Variants in SLC24A2 observed in about 807,000 individuals in gnomAD.
SLC24A2 encodes solute carrier family 24 member 2, also known as sodium/potassium/calcium exchanger 2.
Under a neutral mutation model 62.0 loss-of-function variants are expected in SLC24A2, and 36 were observed. The observed-to-expected ratio is 0.58, with a 90% CI of 0.44 to 0.77. The LOEUF is 0.77. SLC24A2 is among the 30% of genes least tolerant of loss of function. The probability of loss-of-function intolerance (pLI) is 0.00; values close to 1 mark genes in which losing one functional copy is unlikely to be tolerated. For missense variants in SLC24A2, 846 were observed against 817.9 expected, an observed-to-expected ratio of 1.03 and a Z score of -0.42; for synonymous variants, 358 against 294.0, an observed-to-expected ratio of 1.22 and a Z score of -2.23.
the SLC24A2 span, among the ~76,000 whole-genome samples, chr9:20,143,180 G>C: frequency 4.6e-5 from 7 of 152,274 alleles, no homozygotes; most frequent in African/African-American, 1.4e-4. Context: ...AAATGCAGCA[G>C]GTGGGAAAAG....
At chr9:19,557,368 T>TGG (rs770531521) in intron 7 of SLC24A2, among the ~76,000 whole-genome samples, 2 of 152,294 alleles carry the variant, frequency 1.3e-5, no homozygotes, top group Admixed American at 1.3e-4. Flanking sequence ...TTGGAAGGCC[T>TGG]GGGGGTGTTT....
At chr9:19,990,880 T>C in the SLC24A2 span, among the ~76,000 whole-genome samples, 2 of 136,760 alleles carry the variant, frequency 1.5e-5, no homozygotes, top group African/African-American at 2.7e-5. Flanking sequence ...TCAATAGGGT[T>C]CCGTGCTGTA....
the SLC24A2 span, among the ~76,000 whole-genome samples, chr9:19,959,775 A>C: frequency 3.0e-4 from 45 of 152,306 alleles, no homozygotes; most frequent in African/African-American, 1.1e-3. Flanking sequence ...GTACTCACTG[A>C]ATGATTACTG....
intron 7 of SLC24A2, among the ~76,000 whole-genome samples, chr9:19,559,733 G>A (rs1835297707): frequency 6.6e-6 from 1 of 152,128 alleles, no homozygotes; most frequent in African/African-American, 2.4e-5. Context: ...ATTTCACAAA[G>A]GAAATACCTA....
chr9:20,124,394 A>G, the SLC24A2 span, among the ~76,000 whole-genome samples: 1 of 152,192 alleles, frequency 6.6e-6, no homozygotes, highest in South Asian at 2.1e-4. Context: ...GAAGAAGAAA[A>G]AAGTTTTGGT....
At chr9:20,199,116 C>A in the SLC24A2 span, among the ~76,000 whole-genome samples, 10 of 152,144 alleles carry the variant, frequency 6.6e-5, no homozygotes, top group Admixed American at 1.3e-4. Context: ...TATTAACTAA[C>A]AAGAATGTTT....
the SLC24A2 span, among the ~76,000 whole-genome samples, chr9:20,266,543 T>TG: frequency 7.0e-6 from 1 of 142,416 alleles, no homozygotes; most frequent in Non-Finnish European, 1.5e-5. Flanking sequence ...CCTCAGTAAT[T>TG]TTTTTTTTTG....
chr9:20,035,259 A>G, the SLC24A2 span, among the ~76,000 whole-genome samples: 120 of 152,302 alleles, frequency 7.9e-4, no homozygotes, highest in African/African-American at 2.7e-3. Flanking sequence ...TTGGTAAGTT[A>G]AGTGGGGTGA....
At chr9:20,218,964 G>A in the SLC24A2 span, among the ~76,000 whole-genome samples, 2 of 152,124 alleles carry the variant, frequency 1.3e-5, no homozygotes, top group African/African-American at 2.4e-5. Flanking sequence ...TCCTATTGAT[G>A]AAGTGCTGAG....
chr9:19,761,467 TTTTTA>T (rs144919709), intron 2 of SLC24A2, among the ~76,000 whole-genome samples: 1,507 of 150,298 alleles, frequency 0.01, 27 homozygotes, highest in South Asian at 0.072. Flanking sequence ...TTTTTTAATT[TTTTTA>T]TTTTATTTTA....
Position 19,708,569 on chromosome 9 carries a change from T to C in SLC24A2, c.930+77368A>G, listed in dbSNP as rs1352942183. 3.3e-5 allele frequency among the ~76,000 whole-genome samples: 5 copies of C among 152,066 alleles called. No homozygotes were observed. The East Asian group carries it at 5.8e-4, about 18-fold the overall frequency. ...GTACCAAAACAGAGATATAGACCAATGGAACAGAACAGAGCCCTTAGAAAT... is the reference window on the plus strand; with the variant it reads ...GTACCAAAACAGAGATATAGACCAACGGAACAGAACAGAGCCCTTAGAAAT... On this transcript the variant is annotated intron_variant, in intron 2 of 10. Coordinates refer to ENST00000341998, the MANE Select transcript of SLC24A2 (RefSeq NM_020344.4).
the SLC24A2 span, among the ~76,000 whole-genome samples, chr9:19,953,133 C>T: frequency 6.6e-6 from 1 of 152,042 alleles, no homozygotes; most frequent in East Asian, 1.9e-4. Context: ...TCATTCTTGA[C>T]ATTGGTAATT....
chr9:20,273,256 A>G, the SLC24A2 span, among the ~76,000 whole-genome samples: 2 of 152,204 alleles, frequency 1.3e-5, no homozygotes, highest in African/African-American at 4.8e-5. Flanking sequence ...GCTAGCCATA[A>G]AAGAATTTTC....
chr9:19,859,683 G>C, the SLC24A2 span, among the ~76,000 whole-genome samples: 12 of 152,176 alleles, frequency 7.9e-5, no homozygotes, highest in African/African-American at 2.7e-4. Context: ...ATTACCAAAA[G>C]AGACACTGAA....
At chr9:19,846,501 C>A in the SLC24A2 span, among the ~76,000 whole-genome samples, 1 of 152,138 alleles carries the variant, frequency 6.6e-6, no homozygotes. Context: ...TGAGGTGGGT[C>A]TCTTGAAGAC....
At chr9:19,630,605 G>A (rs563552545) in intron 2 of SLC24A2, among the ~76,000 whole-genome samples, 2 of 152,086 alleles carry the variant, frequency 1.3e-5, no homozygotes, top group African/African-American at 2.4e-5. Context: ...TTTAACTTCC[G>A]ATCTCAGAAA....
At chr9:19,981,959 T>C in the SLC24A2 span, among the ~76,000 whole-genome samples, 36 of 152,136 alleles carry the variant, frequency 2.4e-4, no homozygotes, top group Non-Finnish European at 2.9e-5. Context: ...CCAACATCAG[T>C]GGAGGAGGGA....
At chr9:20,213,206 C>T in the SLC24A2 span, among the ~76,000 whole-genome samples, 1 of 151,748 alleles carries the variant, frequency 6.6e-6, no homozygotes, top group Non-Finnish European at 1.5e-5. Flanking sequence ...AAATAAATTC[C>T]ACCCATTTGG....
In SLC24A2 at chr9:19,649,012, A is replaced by AAAC. The variant is rs1554691780; in HGVS notation, c.931-26714_931-26713insGTT. Reference sequence around the variant, plus strand: ...GTTTGATTAAAAACCAAAAAAAAAAAAAAAAAACAAAAAACCCAGTAATTC... The same window carrying AAAC: ...GTTTGATTAAAAACCAAAAAAAAAAAAACAAAAAAACAAAAAACCCAGTAATTC... On this transcript the variant is annotated intron_variant, in intron 2 of 10. Coordinates refer to ENST00000341998, the MANE Select transcript of SLC24A2 (RefSeq NM_020344.4). 7.9e-4 allele frequency among the ~76,000 whole-genome samples: 119 copies of AAAC among 151,306 alleles called. 1 individual carries two copies. Among genetic ancestry groups the AAAC allele is most frequent in the Admixed American group, 1.5e-3 (23 of 15,202 alleles).
Sources: gnomAD v4.1 joint callset for allele counts (sites outside exome capture counted in the v4.1 genomes callset) on GRCh38, gnomAD v4.1.1 for gene constraint, MANE v1.5 for transcripts, NCBI Gene and HGNC (gene_info 2026-07-23, HGNC 2026-07-21) for gene names.